ZSCAN9: variants seen among roughly 807,000 people sequenced by gnomAD.
The protein encoded by ZSCAN9 is zinc finger and SCAN domain containing 9, also known as zinc finger and SCAN domain-containing protein 9.
ZSCAN9 carries 19 observed loss-of-function variants against 23.0 expected under a neutral mutation model. That is an observed-to-expected ratio of 0.83 (90% CI 0.58 to 1.21). The LOEUF is 1.21. Ranked by LOEUF, ZSCAN9 falls within the 50% of genes most tolerant of loss-of-function variation. The pLI, the probability that ZSCAN9 is intolerant of heterozygous loss-of-function variation, is 0.00. For missense variants in ZSCAN9, 467 were observed against 471.5 expected (o/e 0.99, Z 0.09); for synonymous variants, 155 against 164.8 (o/e 0.94, Z 0.46).
intron 3 of ZSCAN9, among the ~76,000 whole-genome samples, chr6:28,230,006 C>T (rs958237421): frequency 8.6e-5 from 13 of 152,014 alleles, no homozygotes; most frequent in African/African-American, 2.4e-4. Flanking sequence ...TACAGGCACC[C>T]GCCACCATGC....
At chr6:28,230,358 A>C (rs1760262540) in intron 3 of ZSCAN9, 1 of 1,533,608 alleles carries the variant, frequency 6.5e-7, no homozygotes, top group Non-Finnish European at 8.7e-7. Context: ...GTTTGAGGAG[A>C]AGGGCAGTAC....
At chr6:28,227,536 G>T (rs1207757895) in intron 2 of ZSCAN9, 32 bp downstream of exon 2, 1 of 1,568,074 alleles carries the variant, frequency 6.4e-7, no homozygotes, top group Non-Finnish European at 8.6e-7. Flanking sequence ...AGAAAAATGT[G>T]TATTTTGGCA....
At position 28,232,559 on chromosome 6, in the gene ZSCAN9, C is replaced by A. The variant is rs376315687; in HGVS notation, c.569-3C>A. The A allele has an allele frequency of 4.4e-6, 7 of 1,601,660 alleles. No individual in the cohort carries two copies. In the African/African-American group the frequency reaches 9.4e-5, roughly 22 times the overall value. On this transcript the variant is annotated splice_region_variant and splice_polypyrimidine_tract_variant and intron_variant, in intron 3 of 3. Transcript: ENST00000252207. ...ATTTACCTAGCCTTTTTCTTTGTTT[C>A]AGATGAAGTAACCAAGACTGAGGAC...
At chr6:28,232,160 C>T (rs758710154) in intron 3 of ZSCAN9, among the ~76,000 whole-genome samples, 19 of 152,074 alleles carry the variant, frequency 1.2e-4, no homozygotes, top group Non-Finnish European at 2.5e-4. Flanking sequence ...GGCGAAACCG[C>T]GTCTGTACTA....
intron 3 of ZSCAN9, chr6:28,228,216 A>G (rs1760183727): frequency 6.8e-6 from 4 of 591,662 alleles, no homozygotes; most frequent in Non-Finnish European, 8.9e-6. Flanking sequence ...TCCCTCATCT[A>G]CAAAATGGGG....
chr6:28,227,464 T>G lies in ZSCAN9; in HGVS notation c.380T>G (p.Leu127Arg), dbSNP rs1464444952. The change falls in exon 2 of 4, where the codon CTG becomes CGG. Residue 127 changes from leucine to arginine, a missense_variant. By Grantham distance (102) the Leu-to-Arg change is moderately radical (BLOSUM62 -2). Coordinates refer to ENST00000252207, the MANE Select transcript of ZSCAN9 (RefSeq NM_006299.5). ...PESGEEAVIL[L>R]EDLERELDEP... is the part of the protein sequence containing the mutation. ...AGTGGAGAAGAGGCTGTGATTTTGCTGGAGGATCTGGAGAGAGAGCTCGAT... is the reference window on the plus strand; with the variant it reads ...AGTGGAGAAGAGGCTGTGATTTTGCGGGAGGATCTGGAGAGAGAGCTCGAT... 6.2e-7 allele frequency: 1 copy of G among 1,609,868 alleles called. No individual in the cohort carries two copies. The highest frequency in any genetic ancestry group is 1.7e-5 in the Admixed American group (1 of 59,276).
At chr6:28,230,259 T>C (rs2113653630) in intron 3 of ZSCAN9, 2 of 1,298,866 alleles carry the variant, frequency 1.5e-6, no homozygotes, top group Middle Eastern at 2.4e-4. Flanking sequence ...GTCATGAAAG[T>C]TGTATAAATG....
intron 3 of ZSCAN9, among the ~76,000 whole-genome samples, chr6:28,232,022 C>T (rs1456533701): frequency 6.6e-6 from 1 of 152,112 alleles, no homozygotes; most frequent in Non-Finnish European, 1.5e-5. Flanking sequence ...AACCATCCCT[C>T]CCTATGAAGT....
At chr6:28,230,343 A>T in intron 3 of ZSCAN9, 1 of 1,530,908 alleles carries the variant, frequency 6.5e-7, no homozygotes, top group Non-Finnish European at 8.7e-7. Context: ...CAGATTTAAT[A>T]CGAAGTTTGA....
At chr6:28,227,548 G>A (rs1479451375) in intron 2 of ZSCAN9, 44 bp downstream of exon 2, 1 of 1,565,290 alleles carries the variant, frequency 6.4e-7, no homozygotes, top group Non-Finnish European at 8.6e-7. Context: ...ATTTTGGCAT[G>A]CCAAGAATCC....
rs777902239 is a variant in ZSCAN9, at chr6:28,227,794, C to T, written c.525C>T (p.Leu175=). ...AGTCCCAGCCTAAGGAGCCACAGCT[C>T]ACATGTGACTCTGCTCAGAAGTGCC... ...TLQSQPKEPQ[L]TCDSAQKCHS... The change falls in exon 3 of 4, where the codon CTC becomes CTT. Residue 175 remains leucine (L), a synonymous_variant. Coordinates refer to ENST00000252207, the MANE Select transcript of ZSCAN9 (RefSeq NM_006299.5). 3 of 1,613,506 alleles carry T rather than the reference C, an allele frequency of 1.9e-6. No individual in the cohort carries two copies. The highest frequency in any genetic ancestry group is 1.1e-5 in the South Asian group (1 of 91,034).
At chr6:28,229,926 C>T (rs996783276) in intron 3 of ZSCAN9, among the ~76,000 whole-genome samples, 3 of 150,914 alleles carry the variant, frequency 2.0e-5, no homozygotes, top group African/African-American at 4.9e-5. Flanking sequence ...GGCACGATCT[C>T]GGCTCACTGC....
intron 3 of ZSCAN9, chr6:28,230,291 A>G: frequency 1.4e-6 from 2 of 1,460,972 alleles, no homozygotes; most frequent in Non-Finnish European, 9.1e-7. Flanking sequence ...AAGGTGGGAA[A>G]TGTCTGAATT....
chr6:28,226,546 A>G (rs1032303144), intron 1 of ZSCAN9, among the ~76,000 whole-genome samples: 16 of 152,198 alleles, frequency 1.1e-4, no homozygotes, highest in Non-Finnish European at 1.8e-4. Context: ...CATTATTGCT[A>G]TTTCTTCTTC....
At chr6:28,229,761 C>T (rs986915814) in intron 3 of ZSCAN9, among the ~76,000 whole-genome samples, 7 of 152,124 alleles carry the variant, frequency 4.6e-5, no homozygotes, top group African/African-American at 1.7e-4. Context: ...CCAAATCCTA[C>T]TCCCTAGAGG....
At chr6:28,232,377 AT>A (rs1411631323) in intron 3 of ZSCAN9, among the ~76,000 whole-genome samples, 184 bp from the exon 4 acceptor site, 1 of 152,198 alleles carries the variant, frequency 6.6e-6, no homozygotes, top group Non-Finnish European at 1.5e-5. Flanking sequence ...CTACATGGGG[AT>A]GGACTGACCT....
At position 28,233,159 on chromosome 6, in the gene ZSCAN9, C is replaced by T. The variant is rs1760374956; in HGVS notation, c.1166C>T (p.Thr389Ile). Residue 389 changes from threonine (T) to isoleucine (I), a missense_variant, in exon 4 of 4, where the codon ACA (threonine) becomes ATA (isoleucine). By Grantham distance (89) the Thr-to-Ile change is moderately conservative. Coordinates refer to ENST00000252207, the MANE Select transcript of ZSCAN9 (RefSeq NM_006299.5). ...CTCATTCGCCATCAGAAGATCCACA[C>T]AGTGGCTGAGCTGGTCTAGGGCTTG... ...CNLIRHQKIH[T>I]VAELV The T allele has an allele frequency of 6.2e-7, 1 of 1,614,026 alleles. No homozygotes were observed. Among genetic ancestry groups the T allele is most frequent in the Non-Finnish European group, 8.5e-7 (1 of 1,179,922 alleles).
chr6:28,228,191 C>G (rs942959935), intron 3 of ZSCAN9: 1 of 611,796 alleles, frequency 1.6e-6, no homozygotes, highest in African/African-American at 1.9e-5. Context: ...GATTACTTAA[C>G]CACTTGACCT....
In ZSCAN9 at chr6:28,233,432, G is replaced by A; in HGVS notation, c.*254G>A. The stretch of plus-strand genomic sequence containing the variant: ...ATTTATTTATTTTTTTGAGATGGCT[G>A]CTAAACCCTTCTAATAATATAATAA... On this transcript the variant is annotated 3_prime_UTR_variant, in exon 4 of 4. Transcript: ENST00000252207. 5 of 428,884 alleles carry A rather than the reference G, an allele frequency of 1.2e-5. No homozygotes were observed. Among genetic ancestry groups the A allele is most frequent in the Non-Finnish European group, 1.9e-5 (5 of 259,500 alleles). The allele number at this position is 428,884 out of a possible 1,614,324, so 26.6% of individuals were successfully genotyped here. A position where few individuals can be genotyped will look rare whatever the true frequency, so the allele number is the denominator to read the frequency against.
Sources: allele counts gnomAD v4.1 joint callset (sites outside exome capture counted in the v4.1 genomes callset), GRCh38; gene constraint gnomAD v4.1.1; transcripts MANE v1.5; gene names NCBI Gene and HGNC (gene_info 2026-07-23, HGNC 2026-07-21).